Variants in TSNARE1 observed in about 807,000 individuals in gnomAD.
TSNARE1 encodes the protein t-SNARE domain containing 1.
TSNARE1 carries 49 observed loss-of-function variants against 62.0 expected under a neutral mutation model. That is an observed-to-expected ratio of 0.79 (90% CI 0.63 to 1.00). The LOEUF (loss-of-function observed/expected upper bound fraction) is 1.00. TSNARE1 is among the 50% of genes least tolerant of loss of function. TSNARE1 has a pLI of 0.00. For missense variants in TSNARE1, 755 were observed against 700.1 expected (o/e 1.08, Z -0.88); for synonymous variants, 328 against 294.4 (o/e 1.11, Z -1.17).
intron 1 of TSNARE1, among the ~76,000 whole-genome samples, chr8:142,360,567 G>A (rs953549252): frequency 5.9e-5 from 9 of 152,152 alleles, no homozygotes; most frequent in East Asian, 3.9e-4. Flanking sequence ...AGCTGCTTCC[G>A]TGCCCGCCGA....
intron 12 of TSNARE1, chr8:142,272,835 G>C: frequency 1.0e-6 from 1 of 983,734 alleles, no homozygotes; most frequent in African/African-American, 1.8e-5. Flanking sequence ...GCGGGAACAG[G>C]ACATTCTATG....
chr8:142,231,719 C>G (rs1029613470), intron 12 of TSNARE1, among the ~76,000 whole-genome samples: 1 of 152,162 alleles, frequency 6.6e-6, no homozygotes, highest in African/African-American at 2.4e-5. Flanking sequence ...AGAGGTGGGT[C>G]CCACCAACAC....
chr8:142,271,184 T>C, intron 12 of TSNARE1: 1 of 991,504 alleles, frequency 1.0e-6, no homozygotes, highest in Non-Finnish European at 1.2e-6. Context: ...AGCAGGCCCC[T>C]GGGCCACTCC....
intron 1 of TSNARE1, among the ~76,000 whole-genome samples, chr8:142,386,455 C>G (rs557018498): frequency 5.3e-5 from 8 of 151,958 alleles, no homozygotes; most frequent in African/African-American, 1.9e-4. Flanking sequence ...AAAGACTTAA[C>G]AATACATGCA....
intron 12 of TSNARE1, among the ~76,000 whole-genome samples, chr8:142,253,634 C>T (rs1818286362): frequency 6.6e-6 from 1 of 152,192 alleles, no homozygotes; most frequent in Admixed American, 6.5e-5. Context: ...GTGTTTGCCC[C>T]TGCCTCGAGG....
chr8:142,364,582 T>C (rs1301727663), intron 1 of TSNARE1, among the ~76,000 whole-genome samples: 2 of 152,106 alleles, frequency 1.3e-5, no homozygotes, highest in African/African-American at 4.8e-5. Flanking sequence ...GATATTAACA[T>C]GTCTTAGAGA....
intron 9 of TSNARE1, 73 bp downstream of exon 9, chr8:142,314,311 T>C: frequency 1.4e-6 from 2 of 1,442,032 alleles, no homozygotes; most frequent in Non-Finnish European, 1.9e-6. Flanking sequence ...CGCCCTTCCA[T>C]GGAGCACAGA....
At chr8:142,222,823 CTCACTCAT>C (rs1816458971) in intron 13 of TSNARE1, among the ~76,000 whole-genome samples, 2 of 142,978 alleles carry the variant, frequency 1.4e-5, no homozygotes, top group African/African-American at 5.1e-5. Context: ...CACTCACTCA[CTCACTCAT>C]TCACTCACTC....
intron 12 of TSNARE1, among the ~76,000 whole-genome samples, chr8:142,247,016 C>T (rs926263196): frequency 1.3e-5 from 2 of 152,232 alleles, no homozygotes; most frequent in East Asian, 3.8e-4. Flanking sequence ...GGTGCTGCGA[C>T]CAGCTATGGC....
At chr8:142,381,437 A>G (rs955324305) in intron 1 of TSNARE1, among the ~76,000 whole-genome samples, 10 of 151,866 alleles carry the variant, frequency 6.6e-5, no homozygotes, top group African/African-American at 1.7e-4. Context: ...CCAGCACCCA[A>G]TGGGCTCTCC....
chr8:142,310,476 C>G (rs577414431), intron 9 of TSNARE1, among the ~76,000 whole-genome samples: 2 of 152,320 alleles, frequency 1.3e-5, no homozygotes, highest in Non-Finnish European at 2.9e-5. Flanking sequence ...CTCCGGGACA[C>G]GCTTCCCTCT....
At chr8:142,262,747 TGTAA>T (rs141134393) in intron 12 of TSNARE1, among the ~76,000 whole-genome samples, 6,467 of 152,238 alleles carry the variant, frequency 0.042, 179 homozygotes, top group Middle Eastern at 0.12. Context: ...CCACCATGAT[TGTAA>T]GTTCCCTGAG....
upstream of TSNARE1, chr8:142,405,069 T>C (rs938568803): frequency 6.6e-6 from 1 of 152,200 alleles, no homozygotes; most frequent in African/African-American, 2.4e-5. Flanking sequence ...TCCTCCGAAA[T>C]CTGGGATGAG....
intron 2 of TSNARE1, among the ~76,000 whole-genome samples, chr8:142,346,996 A>G (rs188105303): frequency 6.6e-6 from 1 of 152,310 alleles, no homozygotes; most frequent in Non-Finnish European, 1.5e-5. Context: ...CCCAGACAGC[A>G]CTGCCCAAAC....
intron 11 of TSNARE1, among the ~76,000 whole-genome samples, chr8:142,282,525 GGTCA>G (rs1259569323): frequency 1.3e-5 from 2 of 151,508 alleles, no homozygotes; most frequent in African/African-American, 4.9e-5. Context: ...GCAGAGGCGG[GGTCA>G]GTGTCTGCCA....
intron 1 of TSNARE1, among the ~76,000 whole-genome samples, chr8:142,392,313 C>A (rs1461985210): frequency 1.3e-5 from 2 of 152,168 alleles, no homozygotes; most frequent in Admixed American, 1.3e-4. Flanking sequence ...TGAGCCACCA[C>A]ACCCAGCCAA....
At chr8:142,260,317 AG>A (rs1358338844) in intron 12 of TSNARE1, among the ~76,000 whole-genome samples, 1 of 152,190 alleles carries the variant, frequency 6.6e-6, no homozygotes, top group African/African-American at 2.4e-5. Context: ...AGAGATGGAA[AG>A]AGAGAAGGGA....
chr8:142,302,500 G>C (rs896155204), intron 9 of TSNARE1, among the ~76,000 whole-genome samples: 1 of 152,126 alleles, frequency 6.6e-6, no homozygotes, highest in African/African-American at 2.4e-5. Flanking sequence ...CAGGATGGGG[G>C]CTGCCCAGCT....
At chr8:142,229,639 G>T in intron 12 of TSNARE1, 60 bp from the exon 13 acceptor site, 2 of 1,528,444 alleles carry the variant, frequency 1.3e-6, no homozygotes, top group Non-Finnish European at 1.8e-6. Context: ...ATCCTCAGGG[G>T]CATTTGGCTT....
Sources: allele counts gnomAD v4.1 joint callset (sites outside exome capture counted in the v4.1 genomes callset), GRCh38; gene constraint gnomAD v4.1.1; transcripts MANE v1.5; gene names NCBI Gene and HGNC (gene_info 2026-07-23, HGNC 2026-07-21).